The following NRG1 variants were observed in gnomAD, a reference collection of about 807,000 sequenced individuals.
NRG1 encodes neuregulin 1, also known as pro-neuregulin-1, membrane-bound isoform.
Under a neutral mutation model 63.8 loss-of-function variants are expected in NRG1, and 18 were observed. The ratio of observed to expected loss-of-function variants is 0.28; its 90% CI spans 0.19 to 0.42. NRG1 has a LOEUF of 0.42. Ranked by LOEUF, NRG1 falls within the 10% of genes least tolerant of loss-of-function variation. The pLI, the probability that NRG1 is intolerant of heterozygous loss-of-function variation, is 1.00. For synonymous variants in NRG1, 302 were observed against 301.3 expected (o/e 1.00, Z -0.02); for missense variants, 762 against 814.7 (o/e 0.94, Z 0.79).
At chr8:32,104,218 A>T (rs972876577) in intron 1 of NRG1, among the ~76,000 whole-genome samples, 1 of 152,214 alleles carries the variant, frequency 6.6e-6, no homozygotes, top group Non-Finnish European at 1.5e-5. Flanking sequence ...ACGGCATGTT[A>T]CTGTACTTAA....
intron 1 of NRG1, among the ~76,000 whole-genome samples, chr8:32,017,185 C>G (rs138026811): frequency 6.6e-6 from 1 of 152,128 alleles, no homozygotes; most frequent in Non-Finnish European, 1.5e-5. Context: ...CCCAGAAAAG[C>G]CTTATCTCTG....
intron 5 of NRG1, chr8:32,647,204 G>A: frequency 1.0e-6 from 1 of 985,380 alleles, no homozygotes; most frequent in Non-Finnish European, 1.2e-6. Context: ...ACAACAGGAT[G>A]CTGTTGCTAT....
At position 32,333,147 on chromosome 8, in the gene NRG1, A is replaced by G. The variant is rs138426429; in HGVS notation, c.38-262681A>G. On this transcript the variant is annotated intron_variant, in intron 1 of 10. Coordinates refer to the NRG1 transcript ENST00000519301. ...TCCCAAAAAGACAGGTTAAAAATCT[A>G]TGTGTTTTTTCTATACCTTTTATTC... 1.2e-3 allele frequency among the ~76,000 whole-genome samples: 183 copies of G among 152,246 alleles called. 1 individual carries two copies. The highest frequency in any genetic ancestry group is 4.3e-3 in the African/African-American group (180 of 41,548).
chr8:32,484,102 C>CA (rs11297137), intron 1 of NRG1, among the ~76,000 whole-genome samples: 77 of 139,204 alleles, frequency 5.5e-4, no homozygotes, highest in Admixed American at 9.4e-4. Context: ...GACTCCGTAT[C>CA]AAAAAAAAAA....
chr8:31,906,174 A>G (rs1028555024), intron 1 of NRG1, among the ~76,000 whole-genome samples: 1 of 152,176 alleles, frequency 6.6e-6, no homozygotes, highest in South Asian at 2.1e-4. Flanking sequence ...TTTTAAAGAC[A>G]TGAATGAAAC....
intron 5 of NRG1, among the ~76,000 whole-genome samples, chr8:32,662,955 CT>C (rs886787508): frequency 6.6e-6 from 1 of 152,198 alleles, no homozygotes; most frequent in African/African-American, 2.4e-5. Context: ...ATCAATACGG[CT>C]TTATGTGTGA....
upstream of NRG1, among the ~76,000 whole-genome samples, chr8:32,546,651 G>T (rs190068220): frequency 6.6e-6 from 1 of 152,162 alleles, no homozygotes; most frequent in East Asian, 1.9e-4. Context: ...TTATAGCCCA[G>T]TGAAATTTAT....
chr8:32,497,428 CAG>C (rs966845978), intron 1 of NRG1, among the ~76,000 whole-genome samples: 3 of 122,130 alleles, frequency 2.5e-5, no homozygotes, highest in Non-Finnish European at 4.9e-5. Context: ...GCCTGGGCGA[CAG>C]AGAGAGATTT....
chr8:31,774,041 G>A (rs1271441033), intron 1 of NRG1, among the ~76,000 whole-genome samples: 2 of 151,966 alleles, frequency 1.3e-5, no homozygotes, highest in East Asian at 3.8e-4. Context: ...AGAAGTGCAT[G>A]CAATAAAAAT....
At chr8:32,220,060 G>T (rs1050915918) in intron 1 of NRG1, among the ~76,000 whole-genome samples, 1 of 152,154 alleles carries the variant, frequency 6.6e-6, no homozygotes, top group African/African-American at 2.4e-5. Flanking sequence ...TTCCTCGTAG[G>T]TTTAAGATCA....
chr8:32,340,553 G>C (rs1212252475), intron 1 of NRG1, among the ~76,000 whole-genome samples: 1 of 152,140 alleles, frequency 6.6e-6, no homozygotes, highest in Non-Finnish European at 1.5e-5. Context: ...TTATTTAAAG[G>C]AATTTATACA....
chr8:32,344,376 TTC>T (rs1491067627), intron 1 of NRG1, among the ~76,000 whole-genome samples: 32 of 131,360 alleles, frequency 2.4e-4, no homozygotes, highest in Admixed American at 5.8e-4. Flanking sequence ...CTTTCTTTCT[TTC>T]TTTCTCTTTC....
At chr8:32,619,866 G>T (rs1848029682) in intron 5 of NRG1, among the ~76,000 whole-genome samples, 1 of 151,984 alleles carries the variant, frequency 6.6e-6, no homozygotes, top group Admixed American at 6.6e-5. Flanking sequence ...ACATTGGCAG[G>T]TTTATTACAT....
At chr8:31,993,936 A>T (rs1162162608) in intron 1 of NRG1, among the ~76,000 whole-genome samples, 1 of 152,006 alleles carries the variant, frequency 6.6e-6, no homozygotes, top group Non-Finnish European at 1.5e-5. Flanking sequence ...ATTGTGAGAT[A>T]ATCTGGATAG....
intron 5 of NRG1, among the ~76,000 whole-genome samples, chr8:32,672,592 G>A (rs529929363): frequency 6.6e-6 from 1 of 152,250 alleles, no homozygotes; most frequent in Non-Finnish European, 1.5e-5. Flanking sequence ...TCTGTAGAAT[G>A]GATATTATTG....
At position 31,828,272 on chromosome 8, in the gene NRG1, T is replaced by C. The variant is rs192898188; in HGVS notation, c.37+188841T>C. ...ACCTTCTCTGATCAATAATTGACGA[T>C]GAGTGACTGTAGTAGTTTGGGAAAT... On this transcript the variant is annotated intron_variant, in intron 1 of 10. Transcript: ENST00000519301. Among the ~76,000 whole-genome samples the C allele has an allele frequency of 3.1e-4, 47 of 152,346 alleles. 1 individual carries two copies. Among genetic ancestry groups the C allele is most frequent in the African/African-American group, 1.0e-3 (42 of 41,586 alleles).
intron 1 of NRG1, among the ~76,000 whole-genome samples, chr8:31,920,112 TA>T (rs1355727449): frequency 7.2e-5 from 11 of 152,122 alleles, no homozygotes; most frequent in African/African-American, 2.7e-4. Flanking sequence ...AATATTTCAG[TA>T]ATCAAATATT....
chr8:32,125,156 CAA>C (rs1052759733), intron 1 of NRG1, among the ~76,000 whole-genome samples: 3 of 151,848 alleles, frequency 2.0e-5, no homozygotes, highest in African/African-American at 7.2e-5. Context: ...CACCAGACAC[CAA>C]ATGTGCTGGT....
At chr8:31,883,304 A>C (rs757330432) in intron 1 of NRG1, among the ~76,000 whole-genome samples, 1 of 152,122 alleles carries the variant, frequency 6.6e-6, no homozygotes, top group Non-Finnish European at 1.5e-5. Flanking sequence ...TACATTTTTC[A>C]GATATGTTAT....
Sources: gnomAD v4.1 joint callset for allele counts (sites outside exome capture counted in the v4.1 genomes callset) on GRCh38, gnomAD v4.1.1 for gene constraint, MANE v1.5 for transcripts, NCBI Gene and HGNC (gene_info 2026-07-23, HGNC 2026-07-21) for gene names.